The following RWDD2B variants were observed in gnomAD, a reference collection of about 807,000 sequenced individuals.
RWDD2B encodes RWD domain-containing protein 2B.
RWDD2B carries 36 observed loss-of-function variants against 33.6 expected under a neutral mutation model. The ratio of observed to expected loss-of-function variants is 1.07; its 90% confidence interval spans 0.82 to 1.42. The LOEUF is 1.42. Ranked by LOEUF, RWDD2B falls within the 40% of genes most tolerant of loss-of-function variation. The pLI is 0.00. For synonymous variants in RWDD2B, 126 were observed against 133.1 expected (o/e 0.95, Z 0.37); for missense variants, 364 against 377.5 (o/e 0.96, Z 0.30).
rs763217340 is a variant in RWDD2B at position 29,008,581 on chromosome 21, C to T, written c.108G>A (p.Ala36=). 41 of 1,613,798 alleles carry T rather than the reference C, an allele frequency of 2.5e-5. 1 individual carries two copies. The highest frequency in any genetic ancestry group is 4.4e-5 in the South Asian group (4 of 91,080). ...GGTCTAACTCAGCAAGCTGGGCCTC[C>T]GCCTGCTCCATCTCAATCATTTTTG... The part of the protein sequence containing the change: ...TCPKMIEMEQ[A]EAQLAELDLL... The change falls in exon 2 of 5, where the codon GCG becomes GCA. Residue 36 remains alanine, a synonymous_variant. Coordinates refer to ENST00000493196, the MANE Select transcript of RWDD2B (RefSeq NM_016940.3).
chr21:29,012,343 G>A (rs1381738424), intron 1 of RWDD2B, among the ~76,000 whole-genome samples: 1 of 152,156 alleles, frequency 6.6e-6, no homozygotes, highest in Non-Finnish European at 1.5e-5. Context: ...GGGGAAAGGT[G>A]GGGAAAAGAT....
At chr21:29,011,898 G>C (rs1326702298) in intron 1 of RWDD2B, among the ~76,000 whole-genome samples, 2 of 126,604 alleles carry the variant, frequency 1.6e-5, no homozygotes, top group Non-Finnish European at 1.7e-5. Flanking sequence ...AGGTTGGGGG[G>C]TCAGCCCCCC....
rs761828803 is a variant in RWDD2B at position 29,008,426 on chromosome 21, T to C, written c.263A>G (p.Asn88Ser). ...TTCGTCAGATACATCCAGGTTCATA[T>C]TGATAGTAAAGTAGACTTTTGAAGA... is the stretch of plus-strand genomic sequence containing the variant. ...GRSSKVYFTI[N>S]MNLDVSDEKM... is the part of the protein sequence containing the mutation. The change falls in exon 2 of 5, where the codon AAT becomes AGT. Residue 88 changes from asparagine (N) to serine (S), a missense_variant. Asn to Ser is a conservative substitution (Grantham distance 46). Transcript: ENST00000493196. The C allele has an allele frequency of 9.3e-6, 15 of 1,614,236 alleles. No homozygotes were observed. In the East Asian group the frequency reaches 1.1e-4, roughly 12 times the overall value.
chr21:29,005,512 G>A lies in RWDD2B; in HGVS notation c.*905C>T, dbSNP rs1279424883. ...AGCACATTGGGAAGCCGAGGTGGGA[G>A]GATCACCTGAGGTCAGGAGTTCAAG... On this transcript the variant is annotated 3_prime_UTR_variant, in exon 5 of 5. Coordinates refer to ENST00000493196, the MANE Select transcript of RWDD2B (RefSeq NM_016940.3). 1 of 152,248 alleles carries A rather than the reference G, an allele frequency of 6.6e-6. No individual in the cohort carries two copies. The highest frequency in any genetic ancestry group is 2.4e-5 in the African/African-American group (1 of 41,448). 9.4% of individuals were successfully genotyped at this position (152,248 alleles called of 1,614,324 possible).
intron 1 of RWDD2B, among the ~76,000 whole-genome samples, chr21:29,016,013 C>T (rs1306543836): frequency 6.6e-6 from 1 of 152,186 alleles, no homozygotes; most frequent in East Asian, 1.9e-4. Flanking sequence ...GCCCTCCTCT[C>T]CACAGAACAG....
chr21:29,019,073 G>C (rs2084903084), intron 1 of RWDD2B, 138 bp downstream of exon 1: 1 of 695,246 alleles, frequency 1.4e-6, no homozygotes, highest in African/African-American at 1.8e-5. Context: ...GCCGAGGACC[G>C]AGCCGACCGA....
rs752703683 is a variant in RWDD2B at position 29,008,487 on chromosome 21, T to C, written c.202A>G (p.Lys68Glu). Residue 68 changes from lysine (K) to glutamate (E), a missense_variant, in exon 2 of 5, where the codon AAA becomes GAA. By Grantham distance (56) the Lys-to-Glu change is moderately conservative. Coordinates refer to ENST00000493196, the MANE Select transcript of RWDD2B (RefSeq NM_016940.3). ...VNDQLAVAEL[K>E]DCIEKKTMEG... ...ATTGTCTTCTTTTCAATACAATCTT[T>C]CAGTTCTGCTACAGCCAGCTGGTCA... 2 of 1,614,222 alleles carry C rather than the reference T, an allele frequency of 1.2e-6. No individual in the cohort carries two copies. The highest frequency in any genetic ancestry group is 4.5e-5 in the East Asian group (2 of 44,890).
At chr21:29,017,253 C>T (rs1264673493) in intron 1 of RWDD2B, among the ~76,000 whole-genome samples, 1 of 151,894 alleles carries the variant, frequency 6.6e-6, no homozygotes, top group Non-Finnish European at 1.5e-5. Flanking sequence ...ACTAAGATAA[C>T]AATGAATGAA....
At chr21:29,014,735 G>T (rs2084881325) in intron 1 of RWDD2B, among the ~76,000 whole-genome samples, 2 of 152,110 alleles carry the variant, frequency 1.3e-5, no homozygotes, top group Admixed American at 1.3e-4. Flanking sequence ...GCAGGAGAAT[G>T]GCGTGAACCC....
chr21:29,006,933 C>T (rs572393501), intron 4 of RWDD2B, among the ~76,000 whole-genome samples: 1 of 152,278 alleles, frequency 6.6e-6, no homozygotes, highest in African/African-American at 2.4e-5. Flanking sequence ...CTACTTTTAT[C>T]TCACAGGGAT....
rs1464580359 is a variant in RWDD2B, at chr21:29,005,194, A to G, written c.*1223T>C. On this transcript the variant is annotated 3_prime_UTR_variant, in exon 5 of 5. Coordinates refer to ENST00000493196, the MANE Select transcript of RWDD2B (RefSeq NM_016940.3). ...ATGTCAGAATACAATTTGCCAAACAAATTTTCTAAATTACTAATTTGATGA... is the reference window on the plus strand; with the variant it reads ...ATGTCAGAATACAATTTGCCAAACAGATTTTCTAAATTACTAATTTGATGA... 2 of 152,216 alleles carry G rather than the reference A, an allele frequency of 1.3e-5. No individual in the cohort carries two copies. The highest frequency in any genetic ancestry group is 2.9e-5 in the Non-Finnish European group (2 of 68,042). 9.4% of individuals were successfully genotyped at this position (152,216 alleles called of 1,614,324 possible).
chr21:29,004,457 A>G lies in RWDD2B; in HGVS notation c.*1960T>C, dbSNP rs2084819146. On this transcript the variant is annotated 3_prime_UTR_variant, in exon 5 of 5. Coordinates refer to ENST00000493196, the MANE Select transcript of RWDD2B (RefSeq NM_016940.3). ...AGCAATCTGGTTTTTAATATAATGT[A>G]GAGAGACTGAAAAAGTTTTAGCAGT... is the stretch of plus-strand genomic sequence containing the variant. 6.6e-6 allele frequency: 1 copy of G among 152,260 alleles called. No individual in the cohort carries two copies. The highest frequency in any genetic ancestry group is 2.4e-5 in the African/African-American group (1 of 41,468). 9.4% of individuals were successfully genotyped at this position (152,260 alleles called of 1,614,324 possible).
chr21:29,018,402 G>A lies in RWDD2B; in HGVS notation c.67+809C>T, dbSNP rs115184935. Among the ~76,000 whole-genome samples, 662 of 152,324 alleles carry A rather than the reference G, an allele frequency of 4.3e-3. 3 individuals are homozygous for A. The highest frequency in any genetic ancestry group is 0.015 in the African/African-American group (644 of 41,558). On this transcript the variant is annotated intron_variant, in intron 1 of 4. Transcript: ENST00000493196. ...AGATGTATAGTTTTGAAGTCTACGA[G>A]AGACTCAGCTAGATATATAATCTTG...
At chr21:29,008,754 A>G in intron 1 of RWDD2B, 133 bp from the exon 2 acceptor site, 1 of 645,896 alleles carries the variant, frequency 1.5e-6, no homozygotes, top group Non-Finnish European at 2.6e-6. Flanking sequence ...CTCTTTCCCT[A>G]TTACTCTACT....
At chr21:29,012,766 CAATTAAAAAAAA>C (rs2084870875) in intron 1 of RWDD2B, among the ~76,000 whole-genome samples, 1 of 120,834 alleles carries the variant, frequency 8.3e-6, no homozygotes, top group Admixed American at 8.0e-5. Flanking sequence ...CAAGAATGAT[CAATTAAAAAAAA>C]AAAAGTCTTC....
rs779204192 is a variant in RWDD2B at position 29,019,227 on chromosome 21, C to G, written c.51G>C (p.Glu17Asp). The G allele has an allele frequency of 6.2e-7, 1 of 1,603,834 alleles. No homozygotes were observed. Among genetic ancestry groups the G allele is most frequent in the Non-Finnish European group, 8.5e-7 (1 of 1,176,106 alleles). ...GAGACTCACCTTGAGCCGTGGCCCCCTCACTGCTGTAACCCGGGTTCCATG... is the reference window on the plus strand; with the variant it reads ...GAGACTCACCTTGAGCCGTGGCCCCGTCACTGCTGTAACCCGGGTTCCATG... ...MQPWNPGYSS[E>D]GATAQETYTC... is the part of the protein sequence containing the mutation. The change falls in exon 1 of 5, where the codon GAG becomes GAC. Residue 17 changes from glutamate (E) to aspartate (D), a missense_variant. Physicochemically the swap from Glu to Asp is conservative, Grantham distance 45. Transcript: ENST00000493196.
In RWDD2B at chr21:29,011,539, G is replaced by A. The variant is rs959393580; in HGVS notation, c.68-2918C>T. 3.4e-4 allele frequency among the ~76,000 whole-genome samples: 51 copies of A among 149,086 alleles called. No homozygotes were observed. The East Asian group carries it at 5.9e-3, about 17-fold the overall frequency. On this transcript the variant is annotated intron_variant, in intron 1 of 4. Transcript: ENST00000493196. The stretch of plus-strand genomic sequence containing the variant: ...GCCACCTCGTCCGGAAGGGAGGTGG[G>A]GGGGGGTCAGCCCCCCGCCCGGCCA...
At chr21:29,011,569 C>A (rs1426073523) in intron 1 of RWDD2B, among the ~76,000 whole-genome samples, 1 of 144,994 alleles carries the variant, frequency 6.9e-6, no homozygotes, top group African/African-American at 2.5e-5. Context: ...CGGCCAGCCG[C>A]CCCTTCCGGG....
chr21:29,015,225 T>TG (rs34438597), intron 1 of RWDD2B, among the ~76,000 whole-genome samples: 1 of 13,140 alleles, frequency 7.6e-5, no homozygotes, highest in East Asian at 7.2e-4. Context: ...TTATGATGCG[T>TG]TTTTTTTTTT....
Sources: gnomAD v4.1 joint callset for allele counts (sites outside exome capture counted in the v4.1 genomes callset) on GRCh38, gnomAD v4.1.1 for gene constraint, MANE v1.5 for transcripts, NCBI Gene and HGNC (gene_info 2026-07-23, HGNC 2026-07-21) for gene names.